ADGRL3: variants seen among roughly 807,000 people sequenced by gnomAD.
ADGRL3 encodes calcium-independent alpha-latrotoxin receptor 3.
Under a neutral mutation model 153.5 loss-of-function variants are expected in ADGRL3, and 62 were observed. The observed-to-expected ratio is 0.40, with a 90% CI of 0.33 to 0.50. ADGRL3 has a LOEUF of 0.50. Among genes scored for constraint, ADGRL3 ranks in the 20% least tolerant of loss-of-function variants. The pLI, the probability that ADGRL3 is intolerant of heterozygous loss-of-function variation, is 0.47. For missense variants in ADGRL3, 1,641 were observed against 1,859.4 expected, an observed-to-expected ratio of 0.88 and a Z score of 2.16; for synonymous variants, 710 against 672.5, an observed-to-expected ratio of 1.06 and a Z score of -0.86.
chr4:61,223,329 G>T (rs558005243), intron 1 of ADGRL3, among the ~76,000 whole-genome samples: 1 of 152,318 alleles, frequency 6.6e-6, no homozygotes, highest in Admixed American at 6.5e-5. Flanking sequence ...TTTGATGAAA[G>T]AGTAGAAAGT....
intron 5 of ADGRL3, among the ~76,000 whole-genome samples, chr4:61,643,731 G>A (rs1334059520): frequency 1.4e-5 from 2 of 138,468 alleles, no homozygotes; most frequent in Non-Finnish European, 3.1e-5. Flanking sequence ...GTTCATCAAG[G>A]ATATTGGTCT....
chr4:61,381,330 T>TGTGTGC (rs2096665885), intron 1 of ADGRL3, among the ~76,000 whole-genome samples: 1 of 142,346 alleles, frequency 7.0e-6, no homozygotes, highest in East Asian at 2.0e-4. Flanking sequence ...TGTGTGTGTG[T>TGTGTGC]GTGTTTAATT....
At chr4:61,501,639 T>A (rs550129322) in intron 3 of ADGRL3, among the ~76,000 whole-genome samples, 18 of 152,334 alleles carry the variant, frequency 1.2e-4, no homozygotes, top group African/African-American at 4.3e-4. Flanking sequence ...ATGTTTAAAC[T>A]ACTATTTTAA....
At chr4:61,463,442 A>T (rs1327000907) in intron 2 of ADGRL3, among the ~76,000 whole-genome samples, 2 of 152,134 alleles carry the variant, frequency 1.3e-5, no homozygotes, top group African/African-American at 4.8e-5. Context: ...CAGACTTTTA[A>T]CAACCAGATC....
chr4:61,619,516 T>TACACACAC (rs34015455), intron 5 of ADGRL3, among the ~76,000 whole-genome samples: 5 of 149,532 alleles, frequency 3.3e-5, no homozygotes, highest in Middle Eastern at 3.4e-3. Flanking sequence ...GAATGTGAGA[T>TACACACAC]ACACACACAC....
chr4:61,263,542 A>G (rs2092675616), intron 1 of ADGRL3, among the ~76,000 whole-genome samples: 1 of 151,838 alleles, frequency 6.6e-6, no homozygotes, highest in Admixed American at 6.6e-5. Context: ...TACAAAAAGT[A>G]TAAACACTTC....
intron 2 of ADGRL3, among the ~76,000 whole-genome samples, chr4:61,406,154 T>C (rs949720188): frequency 6.6e-6 from 1 of 151,926 alleles, no homozygotes; most frequent in Non-Finnish European, 1.5e-5. Flanking sequence ...AGATTCTGTG[T>C]GCTTCTTAAA....
At chr4:61,694,176 ATTATTTTTTTTTTTTTTT>A (rs2095594396) in intron 6 of ADGRL3, among the ~76,000 whole-genome samples, 1 of 94,702 alleles carries the variant, frequency 1.1e-5, no homozygotes, top group African/African-American at 3.7e-5. Context: ...AAATTTTGTC[ATTATTTTTTTTTTTTTTT>A]TTTTTTTTTT....
At chr4:62,003,556 T>C (rs763647477) in intron 21 of ADGRL3, among the ~76,000 whole-genome samples, 43 of 152,286 alleles carry the variant, frequency 2.8e-4, no homozygotes, top group Admixed American at 5.2e-4. Context: ...AGCTTTGTGA[T>C]AATTACATGA....
chr4:62,058,270 A>T (rs1738127435), intron 25 of ADGRL3, among the ~76,000 whole-genome samples: 1 of 152,024 alleles, frequency 6.6e-6, no homozygotes, highest in African/African-American at 2.4e-5. Flanking sequence ...TATATGATTG[A>T]TTGTTTATTT....
chr4:61,418,597 A>G (rs1003058858), intron 2 of ADGRL3, among the ~76,000 whole-genome samples: 1 of 150,838 alleles, frequency 6.6e-6, no homozygotes, highest in Non-Finnish European at 1.5e-5. Context: ...AAAATAATAC[A>G]GATTGATAAA....
intron 25 of ADGRL3, among the ~76,000 whole-genome samples, chr4:62,061,597 C>T (rs1044509519): frequency 1.3e-5 from 2 of 152,022 alleles, no homozygotes; most frequent in African/African-American, 4.8e-5. Context: ...CCTTTCATGA[C>T]AATACTCACT....
intron 2 of ADGRL3, among the ~76,000 whole-genome samples, chr4:61,445,638 C>T (rs374647477): frequency 2.8e-4 from 42 of 152,246 alleles, no homozygotes; most frequent in African/African-American, 3.9e-4. Flanking sequence ...CATAAATCAT[C>T]GTCTCTCCTT....
At chr4:61,998,861 G>A (rs1357312735) in intron 21 of ADGRL3, among the ~76,000 whole-genome samples, 3 of 152,066 alleles carry the variant, frequency 2.0e-5, no homozygotes, top group Non-Finnish European at 2.9e-5. Context: ...ACAGGCACGA[G>A]CCACCGCACC....
At position 61,263,298 on chromosome 4, in the gene ADGRL3, C is replaced by A. The variant is rs562254110; in HGVS notation, c.-240+61533C>A. 6.1e-4 allele frequency among the ~76,000 whole-genome samples: 92 copies of A among 151,336 alleles called. 1 individual carries two copies. The South Asian group carries it at 0.011, about 18-fold the overall frequency. ...AATTGAGTTTTGTGGTTAAAAAAAA[C>A]CTAATTTTCCCAGAAAAATAATATT... On this transcript the variant is annotated intron_variant, in intron 1 of 26. Coordinates refer to ENST00000683033, the MANE Select transcript of ADGRL3 (RefSeq NM_001387552.1).
chr4:61,328,545 CCTAT>C (rs980528669), intron 1 of ADGRL3, among the ~76,000 whole-genome samples: 38 of 152,120 alleles, frequency 2.5e-4, no homozygotes, highest in Admixed American at 7.2e-4. Flanking sequence ...CAAAGAAACT[CCTAT>C]CTATTACAAG....
chr4:61,683,683 G>A (rs747942611), intron 6 of ADGRL3, among the ~76,000 whole-genome samples: 1 of 152,164 alleles, frequency 6.6e-6, no homozygotes, highest in South Asian at 2.1e-4. Context: ...AGAGGAAAGC[G>A]CACCAAACAG....
intron 4 of ADGRL3, among the ~76,000 whole-genome samples, chr4:61,532,416 C>T (rs2098624557): frequency 1.3e-5 from 2 of 152,052 alleles, no homozygotes; most frequent in South Asian, 2.1e-4. Context: ...TGTTCACTCC[C>T]ACTGTAGAGC....
chr4:61,692,444 A>AT lies in ADGRL3; in HGVS notation c.583+15525dup, dbSNP rs33992337. 4.0e-3 allele frequency among the ~76,000 whole-genome samples: 534 copies of AT among 134,562 alleles called. 4 individuals are homozygous for AT. The highest frequency in any genetic ancestry group is 0.011 in the Middle Eastern group (3 of 264). 88.3% of individuals were successfully genotyped at this position (134,562 alleles called of 152,430 possible). A position where few individuals can be genotyped will look rare whatever the true frequency, so the allele number is the denominator to read the frequency against. On this transcript the variant is annotated intron_variant, in intron 6 of 26. Coordinates refer to ENST00000683033, the MANE Select transcript of ADGRL3 (RefSeq NM_001387552.1). ...ATTTAGTCTCTTTCTCTCTCTTCCT[A>AT]TTTTTTTTTTTTTTTTGAGACAGTG... is the stretch of plus-strand genomic sequence containing the variant.
Sources: allele counts gnomAD v4.1 joint callset (sites outside exome capture counted in the v4.1 genomes callset), GRCh38; gene constraint gnomAD v4.1.1; transcripts MANE v1.5; gene names NCBI Gene and HGNC (gene_info 2026-07-23, HGNC 2026-07-21).